MAGI2: variants seen among roughly 807,000 people sequenced by gnomAD.
MAGI2 encodes membrane associated guanylate kinase, WW and PDZ domain containing 2, also known as membrane-associated guanylate kinase, WW and PDZ domain-containing protein 2.
A neutral mutation model predicts 133.3 loss-of-function variants in MAGI2; 35 were observed. The ratio of observed to expected loss-of-function variants is 0.26; its 90% CI spans 0.20 to 0.35. The LOEUF is 0.35. Among genes scored for constraint, MAGI2 ranks in the 10% least tolerant of loss-of-function variants. MAGI2 has a pLI of 1.00. For missense variants in MAGI2, 1,636 were observed against 1,863.4 expected, an observed-to-expected ratio of 0.88 and a Z score of 2.25; for synonymous variants, 729 against 710.6, an observed-to-expected ratio of 1.03 and a Z score of -0.41.
intron 2 of MAGI2, among the ~76,000 whole-genome samples, chr7:78,878,734 G>A: frequency 6.6e-6 from 1 of 152,176 alleles, no homozygotes; most frequent in East Asian, 1.9e-4. Context: ...TTTGGGTGGA[G>A]AAAATTCACT....
intron 1 of MAGI2, among the ~76,000 whole-genome samples, chr7:79,387,094 TTGTGTGTG>T (rs3050633): frequency 9.9e-5 from 14 of 141,588 alleles, no homozygotes; most frequent in Admixed American, 4.2e-4. Context: ...ATTTTTATGC[TTGTGTGTG>T]TGTGTGTGTG....
At chr7:78,819,081 G>A (rs1789857518) in intron 2 of MAGI2, among the ~76,000 whole-genome samples, 1 of 151,994 alleles carries the variant, frequency 6.6e-6, no homozygotes, top group African/African-American at 2.4e-5. Flanking sequence ...GAAAAATTCA[G>A]CTTTAGATCT....
At chr7:79,201,016 C>T (rs1380762554) in intron 1 of MAGI2, among the ~76,000 whole-genome samples, 3 of 152,050 alleles carry the variant, frequency 2.0e-5, no homozygotes, top group South Asian at 2.1e-4. Flanking sequence ...TTAAGGCCCT[C>T]GGCAGGGCTT....
chr7:78,298,809 CGTTTT>C (rs1797557893), intron 9 of MAGI2, among the ~76,000 whole-genome samples: 1 of 123,110 alleles, frequency 8.1e-6, no homozygotes, highest in Admixed American at 8.9e-5. Context: ...CTGGCCTAAA[CGTTTT>C]TTTTTTTTTT....
At chr7:78,959,513 ACCT>A (rs1666624288) in intron 2 of MAGI2, among the ~76,000 whole-genome samples, 1 of 150,712 alleles carries the variant, frequency 6.6e-6, no homozygotes, top group Non-Finnish European at 1.5e-5. Context: ...ATGAGACACT[ACCT>A]GTCAATGAGT....
intron 1 of MAGI2, among the ~76,000 whole-genome samples, chr7:79,403,865 A>G (rs1845630207): frequency 6.6e-6 from 1 of 152,174 alleles, no homozygotes; most frequent in South Asian, 2.1e-4. Flanking sequence ...CTGCAATGAC[A>G]TAGAGTAGTG....
intron 16 of MAGI2, among the ~76,000 whole-genome samples, chr7:78,135,487 C>T (rs548959978): frequency 3.3e-5 from 5 of 152,232 alleles, no homozygotes; most frequent in African/African-American, 1.2e-4. Context: ...AAAAAGACAG[C>T]TATTTGGGCC....
At chr7:78,932,154 T>G (rs1800180489) in intron 2 of MAGI2, among the ~76,000 whole-genome samples, 1 of 152,116 alleles carries the variant, frequency 6.6e-6, no homozygotes, top group Non-Finnish European at 1.5e-5. Context: ...AATGACAGTG[T>G]GCAGGCCTGA....
rs1043339639 is a variant in MAGI2 at position 78,613,988 on chromosome 7, T to C, written c.538+13132A>G. ...AGTTGGGTGTGGTGGTGCATGCCTG[T>C]AATCCCGGCTACATGGGAGCCTGAG... On this transcript the variant is annotated intron_variant, in intron 3 of 21. Coordinates refer to ENST00000354212, the MANE Select transcript of MAGI2 (RefSeq NM_012301.4). 9.2e-5 allele frequency among the ~76,000 whole-genome samples: 14 copies of C among 152,094 alleles called. 1 individual carries two copies. Among genetic ancestry groups the C allele is most frequent in the African/African-American group, 3.4e-4 (14 of 41,492 alleles).
intron 1 of MAGI2, among the ~76,000 whole-genome samples, chr7:79,048,525 T>C (rs1222926554): frequency 6.6e-6 from 1 of 152,248 alleles, no homozygotes; most frequent in Non-Finnish European, 1.5e-5. Context: ...AGCTGTGCAC[T>C]TATCACATTA....
chr7:78,573,233 A>AATATATAT (rs1190975101), intron 3 of MAGI2, among the ~76,000 whole-genome samples: 149 of 44,454 alleles, frequency 3.4e-3, no homozygotes, highest in Non-Finnish European at 5.1e-3. Context: ...TATAAATATA[A>AATATATAT]ATATATATAT....
intron 1 of MAGI2, among the ~76,000 whole-genome samples, chr7:79,148,401 CT>C (rs1465848451): frequency 6.6e-6 from 1 of 152,200 alleles, no homozygotes; most frequent in Non-Finnish European, 1.5e-5. Context: ...CTGGCCTTCA[CT>C]GGGTGATCTG....
chr7:78,666,070 A>T (rs1459932068), intron 2 of MAGI2, among the ~76,000 whole-genome samples: 4 of 152,164 alleles, frequency 2.6e-5, no homozygotes, highest in African/African-American at 9.6e-5. Context: ...GAACAGAGTG[A>T]GCTGAAGAAC....
At chr7:78,301,670 T>C (rs1039460722) in intron 9 of MAGI2, among the ~76,000 whole-genome samples, 11 of 152,220 alleles carry the variant, frequency 7.2e-5, no homozygotes, top group Non-Finnish European at 1.5e-5. Context: ...TGGAAACTTT[T>C]CTTTTTTTGT....
chr7:78,931,697 T>G (rs1021521710), intron 2 of MAGI2, among the ~76,000 whole-genome samples: 4 of 152,144 alleles, frequency 2.6e-5, no homozygotes, highest in Non-Finnish European at 4.4e-5. Flanking sequence ...GGATTCTAGA[T>G]GTGGCAGAAA....
intron 3 of MAGI2, among the ~76,000 whole-genome samples, chr7:78,565,310 T>A (rs546260219): frequency 1.3e-4 from 20 of 151,762 alleles, no homozygotes; most frequent in African/African-American, 3.4e-4. Flanking sequence ...AAAATTTTTT[T>A]AAAAATTAGT....
intron 16 of MAGI2, among the ~76,000 whole-genome samples, chr7:78,145,289 T>TATTA (rs1823186832): frequency 6.6e-6 from 1 of 152,214 alleles, no homozygotes; most frequent in Admixed American, 6.5e-5. Flanking sequence ...GATATACTTA[T>TATTA]ATTACCTTTT....
At chr7:79,359,020 T>G (rs1435761446) in intron 1 of MAGI2, among the ~76,000 whole-genome samples, 2 of 152,146 alleles carry the variant, frequency 1.3e-5, no homozygotes, top group Non-Finnish European at 2.9e-5. Flanking sequence ...TCAACTGGTG[T>G]CAATACTGAT....
At chr7:78,497,555 T>C (rs1030521750) in intron 5 of MAGI2, among the ~76,000 whole-genome samples, 12 of 152,266 alleles carry the variant, frequency 7.9e-5, no homozygotes, top group Admixed American at 2.0e-4. Flanking sequence ...TATTTTGCAA[T>C]ATCACATAAA....
Sources: allele counts gnomAD v4.1 joint callset (sites outside exome capture counted in the v4.1 genomes callset), GRCh38; gene constraint gnomAD v4.1.1; transcripts MANE v1.5; gene names NCBI Gene and HGNC (gene_info 2026-07-23, HGNC 2026-07-21).